Variants in TFB1M observed in about 807,000 individuals in gnomAD.
TFB1M encodes the protein transcription factor B1, mitochondrial.
In TFB1M, 27 loss-of-function variants were observed where a neutral mutation model predicts 31.1. The observed-to-expected ratio is 0.87, with a 90% CI of 0.64 to 1.20. The LOEUF (loss-of-function observed/expected upper bound fraction) is 1.20. TFB1M is among the 50% of genes most tolerant of loss of function. The probability of loss-of-function intolerance (pLI) is 0.00; values close to 1 mark genes in which losing one functional copy is unlikely to be tolerated. For synonymous variants in TFB1M, 166 were observed against 151.8 expected (o/e 1.09, Z -0.69); for missense variants, 394 against 418.7 (o/e 0.94, Z 0.51).
At chr6:155,303,724 T>C (rs1160043708) in intron 2 of TFB1M, among the ~76,000 whole-genome samples, 1 of 152,190 alleles carries the variant, frequency 6.6e-6, no homozygotes, top group East Asian at 1.9e-4. Context: ...ACCTCATATG[T>C]CTCTTAATAA....
At position 155,297,016 on chromosome 6, in the gene TFB1M, T is replaced by C. The variant is rs746181696; in HGVS notation, c.483A>G (p.Arg161=). Residue 161 remains arginine, a synonymous_variant, in exon 4 of 7, where the codon AGA becomes AGG. Coordinates refer to ENST00000367166, the MANE Select transcript of TFB1M (RefSeq NM_016020.4). The stretch of plus-strand genomic sequence containing the variant: ...TTCTGCCATAAACAAAAGGTCCATC[T>C]CTACAGGAAATATTTTCAAGCCACT... The part of the protein sequence containing the change: ...IIKWLENISC[R]DGPFVYGRTQ... 1.9e-6 allele frequency: 3 copies of C among 1,613,974 alleles called. No individual in the cohort carries two copies. In the South Asian group the frequency reaches 3.3e-5, roughly 18 times the overall value.
chr6:155,275,970 T>TGGTCC, intron 5 of TFB1M: 1 of 1,614,216 alleles, frequency 6.2e-7, no homozygotes, highest in Non-Finnish European at 8.5e-7. Context: ...AGAGCCACCA[T>TGGTCC]GGTCCTGGCG....
At chr6:155,274,596 T>G (rs770307576) in intron 5 of TFB1M, among the ~76,000 whole-genome samples, 2 of 152,216 alleles carry the variant, frequency 1.3e-5, no homozygotes, top group African/African-American at 4.8e-5. Flanking sequence ...GACCTCATGT[T>G]CTTATATACA....
At chr6:155,251,161 C>G (rs550440905), downstream of TFB1M, 5 of 694,920 alleles carry the variant, frequency 7.2e-6, no homozygotes, top group Admixed American at 2.5e-5. Flanking sequence ...ACAGGGCCAG[C>G]CCCCAACTAT....
chr6:155,296,895 T>C (rs1280720283), intron 4 of TFB1M, 58 bp downstream of exon 4: 4 of 1,465,196 alleles, frequency 2.7e-6, no homozygotes, highest in Non-Finnish European at 3.8e-6. Context: ...TGCAGTATTA[T>C]TATTTTGCTT....
At chr6:155,278,733 C>T (rs1256482773) in intron 5 of TFB1M, among the ~76,000 whole-genome samples, 1 of 152,116 alleles carries the variant, frequency 6.6e-6, no homozygotes, top group Non-Finnish European at 1.5e-5. Flanking sequence ...GTCAAACTAC[C>T]CGGGTGCAAG....
intron 6 of TFB1M, among the ~76,000 whole-genome samples, chr6:155,258,614 G>A (rs17813064): frequency 0.067 from 10,154 of 152,224 alleles, 497 homozygotes; most frequent in Non-Finnish European, 0.099. Flanking sequence ...CTGATTTGAA[G>A]TAGAGGATAT....
intron 2 of TFB1M, among the ~76,000 whole-genome samples, chr6:155,307,281 G>A (rs960603370): frequency 6.6e-6 from 1 of 152,100 alleles, no homozygotes; most frequent in Non-Finnish European, 1.5e-5. Flanking sequence ...TCGTTTTCAT[G>A]CTGCTGCTCA....
intron 1 of TFB1M, among the ~76,000 whole-genome samples, chr6:155,313,861 T>G (rs1778124151): frequency 1.3e-5 from 2 of 152,332 alleles, no homozygotes; most frequent in African/African-American, 4.8e-5. Context: ...CGAGGGATAC[T>G]CTTTTCACCA....
chr6:155,278,130 C>A (rs576141327), intron 5 of TFB1M, among the ~76,000 whole-genome samples: 1 of 152,100 alleles, frequency 6.6e-6, no homozygotes, highest in Non-Finnish European at 1.5e-5. Flanking sequence ...TCTCTCTATT[C>A]CTACAGGAAT....
the TFB1M span, among the ~76,000 whole-genome samples, chr6:155,249,395 G>C: frequency 6.6e-6 from 1 of 152,198 alleles, no homozygotes; most frequent in Non-Finnish European, 1.5e-5. Context: ...CCTAAGCCCA[G>C]TCAGGCTTGG....
the TFB1M span, among the ~76,000 whole-genome samples, chr6:155,237,338 A>G: frequency 6.6e-6 from 1 of 152,248 alleles, no homozygotes; most frequent in East Asian, 1.9e-4. Flanking sequence ...TTTAAAGGAT[A>G]TAGCCTCCCT....
At chr6:155,275,933 T>A in intron 5 of TFB1M, 1 of 1,614,072 alleles carries the variant, frequency 6.2e-7, no homozygotes, top group Non-Finnish European at 8.5e-7. Context: ...CTCCATTCTG[T>A]CCCTCCCCAT....
chr6:155,275,608 T>C (rs1785152688), intron 5 of TFB1M: 1 of 1,152,638 alleles, frequency 8.7e-7, no homozygotes, highest in Non-Finnish European at 1.2e-6. Flanking sequence ...TTTGCCTTTT[T>C]TCCTTAGGCT....
At chr6:155,258,837 T>C (rs1784247256) in intron 6 of TFB1M, among the ~76,000 whole-genome samples, 1 of 152,210 alleles carries the variant, frequency 6.6e-6, no homozygotes, top group Non-Finnish European at 1.5e-5. Context: ...AGGAATTGCA[T>C]GTCCCCCACA....
rs1292078655 is a variant in TFB1M at position 155,297,077 on chromosome 6, T to C, written c.422A>G (p.Asn141Ser). The change falls in exon 4 of 7, where the codon AAT (asparagine) becomes AGT (serine). Residue 141 changes from asparagine to serine, a missense_variant. Transcript: ENST00000367166. ...TGGAGTTGAAACACTAAAAGGCAGATTTCCAATAATATGTACATTTGGAGG... is the reference window on the plus strand; with the variant it reads ...TGGAGTTGAAACACTAAAAGGCAGACTTCCAATAATATGTACATTTGGAGG... ...DDPPNVHIIG[N>S]LPFSVSTPLI... 1 of 1,613,770 alleles carries C rather than the reference T, an allele frequency of 6.2e-7. No homozygotes were observed. The highest frequency in any genetic ancestry group is 1.7e-5 in the Admixed American group (1 of 60,024).
At chr6:155,302,845 C>G (rs1777493863) in intron 2 of TFB1M, among the ~76,000 whole-genome samples, 1 of 152,128 alleles carries the variant, frequency 6.6e-6, no homozygotes, top group Non-Finnish European at 1.5e-5. Flanking sequence ...AATTGACTCA[C>G]AGTTCAGCAT....
intron 2 of TFB1M, among the ~76,000 whole-genome samples, chr6:155,299,316 T>C (rs1017631138): frequency 2.0e-5 from 3 of 152,194 alleles, no homozygotes; most frequent in African/African-American, 2.4e-5. Context: ...TTGTAGTCTT[T>C]TTCTTCTTCA....
chr6:155,258,655 A>G (rs1784236422), intron 6 of TFB1M, among the ~76,000 whole-genome samples: 1 of 152,226 alleles, frequency 6.6e-6, no homozygotes. Flanking sequence ...AAATTGAACC[A>G]TTGTTTTAAA....
Sources: gnomAD v4.1 joint callset for allele counts (sites outside exome capture counted in the v4.1 genomes callset) on GRCh38, gnomAD v4.1.1 for gene constraint, MANE v1.5 for transcripts, NCBI Gene and HGNC (gene_info 2026-07-23, HGNC 2026-07-21) for gene names.